Variants in LRRTM4 observed in about 807,000 individuals in gnomAD.
LRRTM4 encodes the protein leucine-rich repeat transmembrane neuronal protein 4.
In LRRTM4, 25 loss-of-function variants were observed where a neutral mutation model predicts 47.6. That is an observed-to-expected ratio of 0.53 (90% CI 0.38 to 0.73). The LOEUF (loss-of-function observed/expected upper bound fraction) is 0.73, where lower values mean the gene tolerates loss of function less well. Ranked by LOEUF, LRRTM4 falls within the 30% of genes least tolerant of loss-of-function variation. The probability of loss-of-function intolerance (pLI) is 0.00; values close to 1 mark genes in which losing one functional copy is unlikely to be tolerated. For synonymous variants in LRRTM4, 311 were observed against 269.5 expected, an observed-to-expected ratio of 1.15 and a Z score of -1.51; for missense variants, 638 against 713.4, an observed-to-expected ratio of 0.89 and a Z score of 1.20.
intron 3 of LRRTM4, among the ~76,000 whole-genome samples, chr2:77,105,625 G>T (rs541441398): frequency 2.0e-5 from 3 of 152,146 alleles, no homozygotes; most frequent in South Asian, 2.1e-4. Flanking sequence ...TAACCTGCAC[G>T]TTGTGCACAT....
chr2:77,455,922 A>G lies in LRRTM4; in HGVS notation c.1551+62396T>C, dbSNP rs148018335. ...GGCTTCTCTCCAAAACCCCTTTGCC[A>G]GTAATCCACTGGTTTTTATCCATTT... On this transcript the variant is annotated intron_variant, in intron 3 of 3. Coordinates refer to ENST00000409884, the MANE Select transcript of LRRTM4 (RefSeq NM_001134745.3). Among the ~76,000 whole-genome samples, 1,504 of 152,202 alleles carry G rather than the reference A, an allele frequency of 9.9e-3. 16 individuals are homozygous for G. Among genetic ancestry groups the G allele is most frequent in the African/African-American group, 0.035 (1,436 of 41,524 alleles).
intron 3 of LRRTM4, among the ~76,000 whole-genome samples, chr2:76,873,645 T>C (rs573969980): frequency 6.6e-6 from 1 of 151,378 alleles, no homozygotes; most frequent in African/African-American, 2.4e-5. Context: ...GCCCCATCTT[T>C]AAATTCTATG....
At chr2:76,984,850 G>C (rs1415048854) in intron 3 of LRRTM4, among the ~76,000 whole-genome samples, 3 of 151,934 alleles carry the variant, frequency 2.0e-5, no homozygotes, top group Admixed American at 2.0e-4. Flanking sequence ...AAGTTAACAT[G>C]ATGAAAAAAT....
intron 3 of LRRTM4, among the ~76,000 whole-genome samples, chr2:76,976,749 G>A (rs1480441483): frequency 6.6e-6 from 1 of 151,776 alleles, no homozygotes; most frequent in Non-Finnish European, 1.5e-5. Context: ...CTGGATGGGA[G>A]GATTAATTTC....
chr2:76,977,947 C>A (rs1055236761), intron 3 of LRRTM4, among the ~76,000 whole-genome samples: 3 of 151,926 alleles, frequency 2.0e-5, no homozygotes, highest in African/African-American at 7.2e-5. Context: ...GCTTGCTGAG[C>A]CAGAAACATA....
rs531359447 is a variant in LRRTM4, at chr2:76,796,232, G to T, written c.1552-47316C>A. 3.8e-5 allele frequency among the ~76,000 whole-genome samples: 3 copies of T among 79,686 alleles called. No homozygotes were observed. The South Asian group carries it at 1.3e-3, about 36-fold the overall frequency. 52.3% of individuals were successfully genotyped at this position (79,686 alleles called of 152,430 possible). A position where few individuals can be genotyped will look rare whatever the true frequency, so the allele number is the denominator to read the frequency against. Reference sequence around the variant, plus strand: ...GATCAAACTGCAAGGCGGCAGCCAGGCTGGGGGAGGGGTGCCCGCCATTGA... The same window carrying T: ...GATCAAACTGCAAGGCGGCAGCCAGTCTGGGGGAGGGGTGCCCGCCATTGA... On this transcript the variant is annotated intron_variant, in intron 3 of 3. Transcript: ENST00000409884.
Position 77,433,140 on chromosome 2 carries a change from G to A in LRRTM4, c.1551+85178C>T, listed in dbSNP as rs559070621. Among the ~76,000 whole-genome samples the A allele has an allele frequency of 5.9e-5, 9 of 152,244 alleles. 1 individual carries two copies. The highest frequency in any genetic ancestry group is 5.9e-4 in the Admixed American group (9 of 15,292). ...TTAAGAAATAGTACATGTGGATCTG[G>A]AAATTAAATTTCTTAAAACTATACA... On this transcript the variant is annotated intron_variant, in intron 3 of 3. Coordinates refer to ENST00000409884, the MANE Select transcript of LRRTM4 (RefSeq NM_001134745.3).
intron 3 of LRRTM4, among the ~76,000 whole-genome samples, chr2:76,792,417 A>G (rs1675023868): frequency 6.6e-6 from 1 of 152,196 alleles, no homozygotes; most frequent in Admixed American, 6.5e-5. Flanking sequence ...TACCTGACAC[A>G]TCTTTCATGC....
At chr2:77,238,033 T>G (rs1675153789) in intron 3 of LRRTM4, among the ~76,000 whole-genome samples, 1 of 152,058 alleles carries the variant, frequency 6.6e-6, no homozygotes. Context: ...AGACACAAAA[T>G]AGCAGGTATG....
At chr2:76,873,520 A>ACATACATATATATATATATG (rs764805070) in intron 3 of LRRTM4, among the ~76,000 whole-genome samples, 1 of 143,568 alleles carries the variant, frequency 7.0e-6, no homozygotes, top group Non-Finnish European at 1.5e-5. Flanking sequence ...ATATATATAT[A>ACATACATATATATATATATG]TATATATATA....
intron 3 of LRRTM4, among the ~76,000 whole-genome samples, chr2:77,270,414 T>G (rs1558662049): frequency 2.0e-5 from 3 of 152,204 alleles, no homozygotes; most frequent in Non-Finnish European, 4.4e-5. Context: ...TACCCTTGCT[T>G]GGTTCTCCTC....
chr2:76,968,795 A>G (rs912943109), intron 3 of LRRTM4, among the ~76,000 whole-genome samples: 1 of 151,708 alleles, frequency 6.6e-6, no homozygotes, highest in African/African-American at 2.4e-5. Flanking sequence ...GAGTTCAAAG[A>G]CTTCTCGTGT....
At chr2:76,888,856 A>T (rs144870430) in intron 3 of LRRTM4, among the ~76,000 whole-genome samples, 67 of 152,002 alleles carry the variant, frequency 4.4e-4, no homozygotes, top group African/African-American at 1.6e-3. Flanking sequence ...CAGTAGTTAT[A>T]AAATATTTGG....
chr2:77,213,801 A>G (rs1417304192), intron 3 of LRRTM4, among the ~76,000 whole-genome samples: 1 of 152,050 alleles, frequency 6.6e-6, no homozygotes, highest in Non-Finnish European at 1.5e-5. Context: ...CAGCCTTGGG[A>G]CGGTGTAATT....
At chr2:77,202,769 T>C (rs1034009611) in intron 3 of LRRTM4, among the ~76,000 whole-genome samples, 5 of 152,140 alleles carry the variant, frequency 3.3e-5, no homozygotes, top group African/African-American at 1.2e-4. Context: ...GTTTGTTTCA[T>C]GTTATATTTT....
At chr2:77,034,263 A>G (rs77998992) in intron 3 of LRRTM4, among the ~76,000 whole-genome samples, 2,587 of 151,996 alleles carry the variant, frequency 0.017, 62 homozygotes, top group African/African-American at 0.058. Context: ...TGTCACCACA[A>G]CCCAAGCTGT....
At chr2:77,185,515 T>C (rs1264308587) in intron 3 of LRRTM4, among the ~76,000 whole-genome samples, 3 of 152,124 alleles carry the variant, frequency 2.0e-5, no homozygotes, top group East Asian at 1.9e-4. Flanking sequence ...ACTTTACCTA[T>C]ACAGCAGAAA....
intron 3 of LRRTM4, among the ~76,000 whole-genome samples, chr2:77,049,510 A>C (rs1679355633): frequency 6.6e-6 from 1 of 151,688 alleles, no homozygotes; most frequent in Admixed American, 6.6e-5. Flanking sequence ...ATGGTATCTC[A>C]TTCTGATTTT....
chr2:77,133,270 T>C (rs941383821), intron 3 of LRRTM4, among the ~76,000 whole-genome samples: 1 of 152,186 alleles, frequency 6.6e-6, no homozygotes, highest in Non-Finnish European at 1.5e-5. Flanking sequence ...TTGAGAACAC[T>C]TAGTCTGACA....
Sources: gnomAD v4.1 joint callset for allele counts (sites outside exome capture counted in the v4.1 genomes callset) on GRCh38, gnomAD v4.1.1 for gene constraint, MANE v1.5 for transcripts, NCBI Gene and HGNC (gene_info 2026-07-23, HGNC 2026-07-21) for gene names.